Variants in OTUB2 observed in about 807,000 individuals in gnomAD.
OTUB2 encodes the protein ubiquitin thioesterase OTUB2.
Under a neutral mutation model 25.1 loss-of-function variants are expected in OTUB2, and 21 were observed. The ratio of observed to expected loss-of-function variants is 0.84; its 90% CI spans 0.59 to 1.21. The LOEUF is 1.21. Ranked by LOEUF, OTUB2 falls within the 50% of genes most tolerant of loss-of-function variation. The pLI is 0.00. For synonymous variants in OTUB2, 122 were observed against 122.8 expected (o/e 0.99, Z 0.04); for missense variants, 283 against 298.0 (o/e 0.95, Z 0.37).
chr14:94,045,821 G>T lies in OTUB2; in HGVS notation c.604G>T (p.Ala202Ser), dbSNP rs1024460745. Reference protein sequence around the residue: ...QVEYVDEMDTALNHHVFPEAA... With the variant: ...QVEYVDEMDTSLNHHVFPEAA... ...GGAGTACGTGGACGAGATGGATACC[G>T]CCCTGAACCACCACGTGTTCCCTGA... The change falls in exon 6 of 6, where the codon GCC becomes TCC. Residue 202 changes from alanine (A) to serine (S), a missense_variant. Physicochemically the swap from Ala to Ser is moderately conservative, Grantham distance 99. Coordinates refer to ENST00000203664, the MANE Select transcript of OTUB2 (RefSeq NM_023112.4). 3.1e-6 allele frequency: 5 copies of T among 1,614,148 alleles called. No individual in the cohort carries two copies. Among genetic ancestry groups the T allele is most frequent in the Middle Eastern group, 3.3e-4 (2 of 6,062 alleles).
At chr14:94,029,879 G>T (rs986779060) in intron 1 of OTUB2, among the ~76,000 whole-genome samples, 3 of 152,216 alleles carry the variant, frequency 2.0e-5, no homozygotes, top group Non-Finnish European at 4.4e-5. Flanking sequence ...AGAAATAAAG[G>T]TGAGAGGGAT....
chr14:94,044,664 T>TC lies in OTUB2; in HGVS notation c.383dup (p.Asp129GlyfsTer27). ...GAAGGTGTTCAACGACCAGAGTGCC[T>TC]CGGACCACATCGTGCAGTTCCTGCG... On this transcript the variant is annotated frameshift_variant, in exon 5 of 6. Transcript: ENST00000203664. LOFTEE classifies it high-confidence loss of function. 1 of 1,614,204 alleles carries TC rather than the reference T, an allele frequency of 6.2e-7. No homozygotes were observed.
chr14:94,034,127 C>T (rs138937648), intron 1 of OTUB2, among the ~76,000 whole-genome samples: 15 of 152,310 alleles, frequency 9.8e-5, no homozygotes, highest in African/African-American at 3.4e-4. Flanking sequence ...CTCCTTGATG[C>T]GATCAGAAGG....
intron 1 of OTUB2, 57 bp downstream of exon 1, chr14:94,026,597 G>GGGGGGGGGGGGGGGC: frequency 8.4e-7 from 1 of 1,197,290 alleles, no homozygotes; most frequent in Non-Finnish European, 1.0e-6. Context: ...GGTGGGCGGG[G>GGGGGGGGGGGGGGGC]TCGCTGCCGG....
At chr14:94,034,833 C>T (rs1319102388) in intron 1 of OTUB2, among the ~76,000 whole-genome samples, 2 of 152,180 alleles carry the variant, frequency 1.3e-5, no homozygotes, top group African/African-American at 4.8e-5. Context: ...CAAAAGCTTC[C>T]CCAGAAGTCC....
In OTUB2 at chr14:94,037,418, C is replaced by A. The variant is rs1219133405; in HGVS notation, c.42C>A (p.Asp14Glu). ...TSFNLISEKC[D>E]ILSILRDHPE... is the part of the protein sequence containing the mutation. ...TCAACCTAATATCAGAAAAATGTGA[C>A]ATTCTATCCATTCTTCGGGACCATC... Residue 14 changes from aspartate (D) to glutamate (E), a missense_variant, in exon 2 of 6, where the codon GAC (aspartate) becomes GAA (glutamate). Physicochemically the swap from Asp to Glu is conservative, Grantham distance 45. Coordinates refer to ENST00000203664, the MANE Select transcript of OTUB2 (RefSeq NM_023112.4). 6.2e-7 allele frequency: 1 copy of A among 1,604,512 alleles called. No individual in the cohort carries two copies. Among genetic ancestry groups the A allele is most frequent in the African/African-American group, 1.3e-5 (1 of 74,782 alleles).
At chr14:94,034,180 C>T (rs1214095831) in intron 1 of OTUB2, among the ~76,000 whole-genome samples, 2 of 152,208 alleles carry the variant, frequency 1.3e-5, no homozygotes, top group African/African-American at 2.4e-5. Flanking sequence ...TTCCAGATAT[C>T]ACTGATGTAT....
intron 2 of OTUB2, among the ~76,000 whole-genome samples, 169 bp downstream of exon 2, chr14:94,037,644 C>G (rs1374410248): frequency 1.4e-5 from 2 of 141,596 alleles, no homozygotes; most frequent in African/African-American, 2.6e-5. Flanking sequence ...TAAATCCTTT[C>G]ATTCCAAAAA....
chr14:94,039,274 G>C (rs1885115093), intron 3 of OTUB2, 193 bp downstream of exon 3: 1 of 596,912 alleles, frequency 1.7e-6, no homozygotes, highest in African/African-American at 1.9e-5. Flanking sequence ...GCCAAGGGGT[G>C]GAGGATGGAA....
intron 3 of OTUB2, among the ~76,000 whole-genome samples, chr14:94,039,838 G>A (rs1399246182): frequency 6.6e-6 from 1 of 152,194 alleles, no homozygotes; most frequent in Non-Finnish European, 1.5e-5. Flanking sequence ...TGAGGGCCAT[G>A]GGCCCTCCTC....
intron 1 of OTUB2, among the ~76,000 whole-genome samples, chr14:94,030,339 C>T (rs1235863913): frequency 6.6e-6 from 1 of 150,866 alleles, no homozygotes; most frequent in Non-Finnish European, 1.5e-5. Flanking sequence ...GCTGGAGAAG[C>T]CTGTCGGGGG....
At position 94,047,724 on chromosome 14, in the gene OTUB2, T is replaced by A. The variant is rs1157513499; in HGVS notation, c.*1802T>A. The A allele has an allele frequency of 1.3e-5, 2 of 152,258 alleles. No homozygotes were observed. The highest frequency in any genetic ancestry group is 2.9e-5 in the Non-Finnish European group (2 of 68,056). 9.4% of individuals were successfully genotyped at this position (152,258 alleles called of 1,614,324 possible). On this transcript the variant is annotated 3_prime_UTR_variant, in exon 6 of 6. Coordinates refer to ENST00000203664, the MANE Select transcript of OTUB2 (RefSeq NM_023112.4). Reference sequence around the variant, plus strand: ...GGGCTGTAAGGTGGGCTCTGGGCCTTCCAGCTAGGCTCTCAAGCACAGCAG... The same window carrying A: ...GGGCTGTAAGGTGGGCTCTGGGCCTACCAGCTAGGCTCTCAAGCACAGCAG...
chr14:94,045,966 G>C lies in OTUB2; in HGVS notation c.*44G>C. On this transcript the variant is annotated 3_prime_UTR_variant, in exon 6 of 6. Transcript: ENST00000203664. The stretch of plus-strand genomic sequence containing the variant: ...GTGGAACCTGTCACCTAATGGGACT[G>C]CATTCTGAATGGAACATTCCGGCTC... The C allele has an allele frequency of 6.3e-7, 1 of 1,581,704 alleles. No homozygotes were observed. The highest frequency in any genetic ancestry group is 8.7e-7 in the Non-Finnish European group (1 of 1,152,286).
In OTUB2 at chr14:94,037,487, G is replaced by A; in HGVS notation, c.99+12G>A. 2.6e-6 allele frequency: 4 copies of A among 1,561,762 alleles called. No homozygotes were observed. Among genetic ancestry groups the A allele is most frequent in the Non-Finnish European group, 3.5e-6 (4 of 1,133,872 alleles). Reference sequence around the variant, plus strand: ...GGAGGAAAATCGAGGTGAGGCAGAGGGCAGGGAGAAGAGCATCCGAAACTA... The same window carrying A: ...GGAGGAAAATCGAGGTGAGGCAGAGAGCAGGGAGAAGAGCATCCGAAACTA... On this transcript the variant is annotated intron_variant, in intron 2 of 5. Coordinates refer to ENST00000203664, the MANE Select transcript of OTUB2 (RefSeq NM_023112.4).
chr14:94,045,774 C>T lies in OTUB2; in HGVS notation c.557C>T (p.Ala186Val). 6.2e-7 allele frequency: 1 copy of T among 1,614,222 alleles called. No individual in the cohort carries two copies. Residue 186 changes from alanine (A) to valine (V), a missense_variant, in exon 6 of 6, where the codon GCC becomes GTC. Ala to Val is a moderately conservative substitution (Grantham distance 64). Coordinates refer to ENST00000203664, the MANE Select transcript of OTUB2 (RefSeq NM_023112.4). ...ATCCAGATCACGGCGTTGTCGCAGG[C>T]CCTGAGCATTGCCCTGCAAGTGGAG... is the stretch of plus-strand genomic sequence containing the variant. ...DHIQITALSQ[A>V]LSIALQVEYV...
rs771762702 is a variant in OTUB2, at chr14:94,037,398, C to T, written c.22C>T (p.Leu8=). The change falls in exon 2 of 6, where the codon CTA becomes TTA. Residue 8 remains leucine, a synonymous_variant. Coordinates refer to ENST00000203664, the MANE Select transcript of OTUB2 (RefSeq NM_023112.4). The stretch of plus-strand genomic sequence containing the variant: ...CTTTCAGAGTGAAACATCTTTCAAC[C>T]TAATATCAGAAAAATGTGACATTCT... The part of the protein sequence containing the change: MSETSFN[L]ISEKCDILSI... The T allele has an allele frequency of 2.4e-5, 39 of 1,593,700 alleles. 1 individual carries two copies. In the South Asian group the frequency reaches 4.0e-4, roughly 16 times the overall value.
Position 94,045,944 on chromosome 14 carries a change from G to C in OTUB2, c.*22G>C. On this transcript the variant is annotated 3_prime_UTR_variant, in exon 6 of 6. Coordinates refer to ENST00000203664, the MANE Select transcript of OTUB2 (RefSeq NM_023112.4). ...TTGATTAATTTTAGGCCATGCAGTG[G>C]AACCTGTCACCTAATGGGACTGCAT... is the stretch of plus-strand genomic sequence containing the variant. 1 of 1,608,000 alleles carries C rather than the reference G, an allele frequency of 6.2e-7. No homozygotes were observed. Among genetic ancestry groups the C allele is most frequent in the Non-Finnish European group, 8.5e-7 (1 of 1,174,758 alleles).
chr14:94,040,740 G>A (rs1228628452), intron 3 of OTUB2, among the ~76,000 whole-genome samples: 1 of 152,254 alleles, frequency 6.6e-6, no homozygotes, highest in East Asian at 1.9e-4. Context: ...TCCCTGCCTT[G>A]TGGGGCTTGC....
At chr14:94,028,070 A>G (rs1002502682) in intron 1 of OTUB2, among the ~76,000 whole-genome samples, 1 of 152,098 alleles carries the variant, frequency 6.6e-6, no homozygotes. Flanking sequence ...GAGGCCGCTC[A>G]CTCTGCTCCC....
Sources: allele counts gnomAD v4.1 joint callset (sites outside exome capture counted in the v4.1 genomes callset), GRCh38; gene constraint gnomAD v4.1.1; transcripts MANE v1.5; gene names NCBI Gene and HGNC (gene_info 2026-07-23, HGNC 2026-07-21).